Variants in FRMD4B observed in about 807,000 individuals in gnomAD.
FRMD4B encodes FERM domain-containing protein 4B.
A neutral mutation model predicts 141.5 loss-of-function variants in FRMD4B; 74 were observed. The observed-to-expected ratio is 0.52, with a 90% confidence interval of 0.43 to 0.63. The LOEUF (loss-of-function observed/expected upper bound fraction) is 0.63. FRMD4B is among the 30% of genes least tolerant of loss of function. The pLI, the probability that FRMD4B is intolerant of heterozygous loss-of-function variation, is 0.00. For missense variants in FRMD4B, 1,366 were observed against 1,253.4 expected (o/e 1.09, Z -1.36); for synonymous variants, 506 against 467.9 (o/e 1.08, Z -1.05).
chr3:69,187,724 T>C lies in FRMD4B; in HGVS notation c.1919+46A>G, dbSNP rs1466283029. 5 of 1,548,742 alleles carry C rather than the reference T, an allele frequency of 3.2e-6. No individual in the cohort carries two copies. In the East Asian group the frequency reaches 9.3e-5, roughly 29 times the overall value. On this transcript the variant is annotated intron_variant, in intron 19 of 22. Transcript: ENST00000398540. Reference sequence around the variant, plus strand: ...ATACATTGCATTTTGGAGGAAAAATTTCCTAGCTGTGGGGCATTAACCTTA... The same window carrying C: ...ATACATTGCATTTTGGAGGAAAAATCTCCTAGCTGTGGGGCATTAACCTTA...
intron 4 of FRMD4B, among the ~76,000 whole-genome samples, chr3:69,299,729 T>A (rs1701150017): frequency 6.6e-6 from 1 of 152,186 alleles, no homozygotes; most frequent in Admixed American, 6.5e-5. Flanking sequence ...TTTCTAATTG[T>A]TTGCACCGAA....
intron 1 of FRMD4B, among the ~76,000 whole-genome samples, chr3:69,470,952 G>A (rs182442036): frequency 7.4e-4 from 112 of 152,288 alleles, no homozygotes; most frequent in African/African-American, 2.6e-3. Flanking sequence ...GTCAAATAAT[G>A]ATTAACTGCA....
Position 69,169,121 on chromosome 3 carries a change from C to T in FRMD4B, c.*2740G>A, listed in dbSNP as rs554810644. Reference sequence around the variant, plus strand: ...ATTAACTATTATATCTGAGAGTGTTCGGCTAATGGGCACGATTATGTTTTT... The same window carrying T: ...ATTAACTATTATATCTGAGAGTGTTTGGCTAATGGGCACGATTATGTTTTT... On this transcript the variant is annotated 3_prime_UTR_variant, in exon 23 of 23. Transcript: ENST00000398540. Among the ~76,000 whole-genome samples, 27 of 151,872 alleles carry T rather than the reference C, an allele frequency of 1.8e-4. No individual in the cohort carries two copies. The highest frequency in any genetic ancestry group is 4.6e-4 in the African/African-American group (19 of 41,426).
At chr3:69,302,290 C>T (rs191331125) in intron 4 of FRMD4B, 53 bp downstream of exon 4, 5 of 959,548 alleles carry the variant, frequency 5.2e-6, no homozygotes, top group Non-Finnish European at 6.6e-6. Flanking sequence ...ACACAAAAAC[C>T]CAAAAATAAC....
chr3:69,472,746 C>T (rs1321628849), intron 1 of FRMD4B, among the ~76,000 whole-genome samples: 3 of 151,890 alleles, frequency 2.0e-5, no homozygotes, highest in African/African-American at 7.3e-5. Flanking sequence ...GAGAGGGGAC[C>T]CGGAAGAGGG....
intron 1 of FRMD4B, among the ~76,000 whole-genome samples, chr3:69,504,091 ATGTTTTTTTGAGACCTTCTTCTAAAGCT>A (rs1331624188): frequency 6.6e-6 from 1 of 152,098 alleles, no homozygotes; most frequent in Admixed American, 6.5e-5. Context: ...ATATTGGCAT[ATGTTTTTTTGAGACCTTCTTCTAAAGCT>A]TATACACACA....
At chr3:69,263,619 C>T (rs956416943) in intron 5 of FRMD4B, among the ~76,000 whole-genome samples, 2 of 151,626 alleles carry the variant, frequency 1.3e-5, no homozygotes, top group African/African-American at 4.8e-5. Context: ...GCTATGTTGC[C>T]CAGGCTGGTC....
chr3:69,250,708 T>C (rs2093459204), intron 5 of FRMD4B, among the ~76,000 whole-genome samples: 2 of 151,568 alleles, frequency 1.3e-5, no homozygotes, highest in African/African-American at 4.8e-5. Context: ...TTCGAGGAAC[T>C]CTAATTTATC....
intron 4 of FRMD4B, among the ~76,000 whole-genome samples, chr3:69,290,491 T>C (rs866269946): frequency 6.6e-6 from 1 of 152,200 alleles, no homozygotes; most frequent in Non-Finnish European, 1.5e-5. Flanking sequence ...ACCCATGTTA[T>C]ACAAGTTTCT....
chr3:69,475,546 T>G (rs1358331716), intron 1 of FRMD4B, among the ~76,000 whole-genome samples: 1 of 152,208 alleles, frequency 6.6e-6, no homozygotes, highest in African/African-American at 2.4e-5. Flanking sequence ...TCATCATTTT[T>G]TATGGCTGCA....
intron 1 of FRMD4B, among the ~76,000 whole-genome samples, chr3:69,445,146 T>C (rs1394383556): frequency 6.6e-6 from 1 of 151,960 alleles, no homozygotes; most frequent in Non-Finnish European, 1.5e-5. Flanking sequence ...CCAGAAAGGG[T>C]TTGGAGCTTG....
In FRMD4B at chr3:69,187,912, C is replaced by T. The variant is rs1433376731; in HGVS notation, c.1777G>A (p.Asp593Asn). The T allele has an allele frequency of 1.9e-6, 3 of 1,564,926 alleles. No homozygotes were observed. The highest frequency in any genetic ancestry group is 2.6e-6 in the Non-Finnish European group (3 of 1,148,986). ...CGCTGCCCAGGAAAAGTGAAGGCAT[C>T]ACTGGCTATAATAAGTAAATGGGTG... The part of the protein sequence containing the change: ...SDTTTYDDPS[D>N]AFTFPGQRSS... The change falls in exon 19 of 23, where the codon GAT (aspartate) becomes AAT (asparagine). Residue 593 changes from aspartate to asparagine, a missense_variant. Coordinates refer to ENST00000398540, the MANE Select transcript of FRMD4B (RefSeq NM_015123.3).
chr3:69,336,305 C>T (rs35648925), intron 1 of FRMD4B, among the ~76,000 whole-genome samples: 29,923 of 152,114 alleles, frequency 0.2, 3,753 homozygotes, highest in Admixed American at 0.27. Flanking sequence ...GAGTGGCACC[C>T]GGCAATCTGT....
chr3:69,250,377 G>A (rs1306753444), intron 5 of FRMD4B: 7 of 275,430 alleles, frequency 2.5e-5, no homozygotes, highest in Admixed American at 5.0e-5. Context: ...AGGAAGAAAC[G>A]GGAATGACTT....
At chr3:69,340,091 T>C (rs1233293900) in intron 1 of FRMD4B, among the ~76,000 whole-genome samples, 5 of 151,838 alleles carry the variant, frequency 3.3e-5, no homozygotes, top group Non-Finnish European at 7.4e-5. Flanking sequence ...GCATGAGGGG[T>C]TGGGGAAAGT....
chr3:69,442,564 C>A (rs1459712933), intron 1 of FRMD4B, among the ~76,000 whole-genome samples: 1 of 151,944 alleles, frequency 6.6e-6, no homozygotes, highest in Non-Finnish European at 1.5e-5. Flanking sequence ...ATGAGAAATA[C>A]TCATAAGTGA....
At chr3:69,195,698 G>A (rs376577533) in intron 14 of FRMD4B, among the ~76,000 whole-genome samples, 1 of 94,674 alleles carries the variant, frequency 1.1e-5, no homozygotes, top group African/African-American at 3.8e-5. Flanking sequence ...TGTTTCAAGT[G>A]TTCTTTTAAA....
At chr3:69,433,830 T>G (rs1417103595) in intron 1 of FRMD4B, among the ~76,000 whole-genome samples, 1 of 152,174 alleles carries the variant, frequency 6.6e-6, no homozygotes, top group Non-Finnish European at 1.5e-5. Flanking sequence ...TATGAAGGAT[T>G]CTCACACCCA....
intron 2 of FRMD4B, among the ~76,000 whole-genome samples, chr3:69,429,665 C>G (rs1362185892): frequency 6.6e-6 from 1 of 151,492 alleles, no homozygotes; most frequent in African/African-American, 2.4e-5. Flanking sequence ...GGAGGACTTG[C>G]TGGTATGCAA....
Sources: allele counts gnomAD v4.1 joint callset (sites outside exome capture counted in the v4.1 genomes callset), GRCh38; gene constraint gnomAD v4.1.1; transcripts MANE v1.5; gene names NCBI Gene and HGNC (gene_info 2026-07-23, HGNC 2026-07-21).